Variants in C9orf43 observed in about 807,000 individuals in gnomAD.
The protein encoded by C9orf43 is uncharacterized protein C9orf43.
In C9orf43, 45 loss-of-function variants were observed where a neutral mutation model predicts 59.1. That is an observed-to-expected ratio of 0.76 (90% confidence interval 0.60 to 0.98). The LOEUF is 0.98. Ranked by LOEUF, C9orf43 falls within the 50% of genes least tolerant of loss-of-function variation. The probability of loss-of-function intolerance (pLI) is 0.00; values close to 1 mark genes in which losing one functional copy is unlikely to be tolerated. For missense variants in C9orf43, 533 were observed against 554.9 expected (o/e 0.96, Z 0.40); for synonymous variants, 203 against 196.8 (o/e 1.03, Z -0.26).
intron 3 of C9orf43, among the ~76,000 whole-genome samples, chr9:113,415,305 G>T (rs72760092): frequency 1.3e-5 from 2 of 151,606 alleles, no homozygotes; most frequent in Non-Finnish European, 2.9e-5. Flanking sequence ...CACCACTCCC[G>T]GCTAATTTTT....
chr9:113,423,199 A>G, intron 6 of C9orf43, 127 bp from the exon 7 acceptor site: 2 of 795,600 alleles, frequency 2.5e-6, no homozygotes, highest in South Asian at 3.7e-5. Flanking sequence ...GGCGGCCCTC[A>G]TCGTTCAGAG....
Position 113,423,312 on chromosome 9 carries a change from T to C in C9orf43, c.484-14T>C, listed in dbSNP as rs780506125. The C allele has an allele frequency of 1.5e-5, 24 of 1,612,130 alleles. No individual in the cohort carries two copies. In the South Asian group the frequency reaches 2.4e-4, roughly 16 times the overall value. On this transcript the variant is annotated splice_polypyrimidine_tract_variant and intron_variant, in intron 6 of 13. Coordinates refer to ENST00000374165, the MANE Select transcript of C9orf43 (RefSeq NM_001278629.2). ...GAATGCTTTGGAGAATTCTTTCCAT[T>C]GTTTCTCTTCCAGAAAAGCAAGTCA... is the stretch of plus-strand genomic sequence containing the variant.
Position 113,423,323 on chromosome 9 carries a change from C to T in C9orf43, c.484-3C>T. ...AGAATTCTTTCCATTGTTTCTCTTC[C>T]AGAAAAGCAAGTCATTTCTGGGTCT... is the stretch of plus-strand genomic sequence containing the variant. On this transcript the variant is annotated splice_polypyrimidine_tract_variant and splice_region_variant and intron_variant, in intron 6 of 13. Coordinates refer to ENST00000374165, the MANE Select transcript of C9orf43 (RefSeq NM_001278629.2). 6.2e-7 allele frequency: 1 copy of T among 1,612,808 alleles called. No homozygotes were observed. The highest frequency in any genetic ancestry group is 8.5e-7 in the Non-Finnish European group (1 of 1,178,986).
At chr9:113,417,045 A>C (rs988738685) in intron 3 of C9orf43, among the ~76,000 whole-genome samples, 2 of 152,150 alleles carry the variant, frequency 1.3e-5, no homozygotes, top group African/African-American at 4.8e-5. Flanking sequence ...ATTTTTCTTC[A>C]GTTCTTCTGA....
chr9:113,427,366 G>A (rs1333018435), intron 11 of C9orf43, among the ~76,000 whole-genome samples: 3 of 152,120 alleles, frequency 2.0e-5, no homozygotes, highest in Non-Finnish European at 4.4e-5. Flanking sequence ...TAGTAGAAAC[G>A]GGGTTTCTCC....
chr9:113,421,871 A>C (rs1413649587), intron 5 of C9orf43, among the ~76,000 whole-genome samples: 1 of 152,204 alleles, frequency 6.6e-6, no homozygotes, highest in African/African-American at 2.4e-5. Flanking sequence ...AACAAATGAA[A>C]AACAACCCTA....
chr9:113,425,810 C>A (rs1222888358), intron 11 of C9orf43, 80 bp downstream of exon 11: 1 of 1,144,052 alleles, frequency 8.7e-7, no homozygotes, highest in Non-Finnish European at 1.3e-6. Flanking sequence ...GCTAAACATG[C>A]TCTTGTCATT....
At chr9:113,411,212 C>A (rs1828125154) in intron 1 of C9orf43, 6 of 617,394 alleles carry the variant, frequency 9.7e-6, no homozygotes, top group Non-Finnish European at 1.2e-5. Flanking sequence ...AAAAACAAAC[C>A]GTGTTAAAAT....
chr9:113,413,668 C>CT (rs760728739), intron 2 of C9orf43, 24 bp downstream of exon 2: 1 of 1,613,202 alleles, frequency 6.2e-7, no homozygotes, highest in South Asian at 1.1e-5. Flanking sequence ...CTTCTGTCCT[C>CT]TCCCTCACGA....
intron 3 of C9orf43, among the ~76,000 whole-genome samples, chr9:113,414,258 T>A (rs1366171939): frequency 6.6e-6 from 1 of 152,064 alleles, no homozygotes; most frequent in African/African-American, 2.4e-5. Context: ...TAATTTTTTA[T>A]ACCCTGTGTC....
In C9orf43 at chr9:113,428,182, A is replaced by C. The variant is rs768051136; in HGVS notation, c.1066A>C (p.Lys356Gln). The change falls in exon 12 of 14, where the codon AAG becomes CAG. Residue 356 changes from lysine (K) to glutamine (Q), a missense_variant. Transcript: ENST00000374165. ...TCTGCCAGGTCAGAACAGTGACATG[A>C]AGCAGCAGCAGCAGATGGAAAAAGG... Reference protein sequence around the residue: ...RTLPGQNSDMKQQQQMEKGTT... With the variant: ...RTLPGQNSDMQQQQQMEKGTT... 5.0e-5 allele frequency: 80 copies of C among 1,614,078 alleles called. No homozygotes were observed. Among genetic ancestry groups the C allele is most frequent in the Admixed American group, 1.5e-4 (9 of 60,008 alleles).
chr9:113,411,541 C>T (rs34761047), intron 1 of C9orf43, among the ~76,000 whole-genome samples: 148 of 152,158 alleles, frequency 9.7e-4, no homozygotes, highest in African/African-American at 3.5e-3. Flanking sequence ...CCTCGTGATC[C>T]GCCCGCCTCG....
intron 1 of C9orf43, among the ~76,000 whole-genome samples, chr9:113,411,898 G>C (rs1005526300): frequency 2.0e-5 from 3 of 151,950 alleles, no homozygotes; most frequent in Non-Finnish European, 2.9e-5. Flanking sequence ...GGCTGGTCTC[G>C]AACTCCAGGG....
intron 8 of C9orf43, 119 bp downstream of exon 8, chr9:113,424,435 C>G: frequency 1.8e-6 from 2 of 1,105,468 alleles, no homozygotes; most frequent in South Asian, 1.7e-5. Context: ...CACTCTGAAC[C>G]CATGCCCCAG....
chr9:113,418,802 A>G (rs1478202978), intron 3 of C9orf43, among the ~76,000 whole-genome samples: 1 of 152,116 alleles, frequency 6.6e-6, no homozygotes, highest in Non-Finnish European at 1.5e-5. Flanking sequence ...ATCTACATCA[A>G]AGTACTTAAT....
intron 13 of C9orf43, 103 bp from the exon 14 acceptor site, chr9:113,429,067 ATC>A: frequency 6.7e-7 from 1 of 1,483,954 alleles, no homozygotes; most frequent in Non-Finnish European, 9.4e-7. Flanking sequence ...CAGTTCCTCT[ATC>A]TCAGAGAAGT....
At chr9:113,427,359 T>C (rs953806768) in intron 11 of C9orf43, among the ~76,000 whole-genome samples, 2 of 152,160 alleles carry the variant, frequency 1.3e-5, no homozygotes, top group Non-Finnish European at 2.9e-5. Flanking sequence ...GTATTTTTAG[T>C]AGAAACGGGG....
At chr9:113,419,334 A>G (rs940562200) in intron 4 of C9orf43, among the ~76,000 whole-genome samples, 169 bp downstream of exon 4, 3 of 152,208 alleles carry the variant, frequency 2.0e-5, no homozygotes, top group Non-Finnish European at 4.4e-5. Context: ...ACTCTGTGCT[A>G]TCTACATGCC....
intron 1 of C9orf43, among the ~76,000 whole-genome samples, chr9:113,411,724 G>C (rs546621109): frequency 1.3e-5 from 2 of 152,104 alleles, no homozygotes; most frequent in South Asian, 4.2e-4. Context: ...CGTCCCCCAG[G>C]CTGGAGTGCA....
Sources: gnomAD v4.1 joint callset for allele counts (sites outside exome capture counted in the v4.1 genomes callset) on GRCh38, gnomAD v4.1.1 for gene constraint, MANE v1.5 for transcripts, NCBI Gene and HGNC (gene_info 2026-07-23, HGNC 2026-07-21) for gene names.